Variants in XRCC4 observed in about 807,000 individuals in gnomAD.
The protein encoded by XRCC4 is X-ray repair cross complementing 4.
In XRCC4, 28 loss-of-function variants were observed where a neutral mutation model predicts 39.1. The ratio of observed to expected loss-of-function variants is 0.72; its 90% CI spans 0.53 to 0.98. The LOEUF (loss-of-function observed/expected upper bound fraction) is 0.98, where lower values mean the gene tolerates loss of function less well. Among genes scored for constraint, XRCC4 ranks in the 50% least tolerant of loss-of-function variants. The probability of loss-of-function intolerance (pLI) is 0.00; values close to 1 mark genes in which losing one functional copy is unlikely to be tolerated. For synonymous variants in XRCC4, 123 were observed against 126.4 expected, an observed-to-expected ratio of 0.97 and a Z score of 0.18; for missense variants, 350 against 376.4, an observed-to-expected ratio of 0.93 and a Z score of 0.58.
intron 3 of XRCC4, among the ~76,000 whole-genome samples, chr5:83,176,540 C>G (rs1300699895): frequency 1.3e-5 from 2 of 152,036 alleles, no homozygotes; most frequent in African/African-American, 2.4e-5. Context: ...TGTTTTGTGA[C>G]ACAATGCCTC....
intron 3 of XRCC4, among the ~76,000 whole-genome samples, chr5:83,168,488 T>A (rs1749584613): frequency 6.6e-6 from 1 of 152,180 alleles, no homozygotes; most frequent in African/African-American, 2.4e-5. Context: ...AAAATAGATT[T>A]GTACAGTGTA....
At chr5:83,117,531 C>T (rs1191707914) in intron 3 of XRCC4, among the ~76,000 whole-genome samples, 1 of 151,780 alleles carries the variant, frequency 6.6e-6, no homozygotes, top group African/African-American at 2.4e-5. Flanking sequence ...AGTCATTTAA[C>T]CCTAATTTCC....
chr5:83,367,143 C>G, the XRCC4 span, among the ~76,000 whole-genome samples: 5 of 152,184 alleles, frequency 3.3e-5, no homozygotes, highest in African/African-American at 1.2e-4. Flanking sequence ...CTGATTAAAT[C>G]AGTATCATGA....
At chr5:83,297,072 A>T (rs1029992722) in intron 7 of XRCC4, among the ~76,000 whole-genome samples, 1 of 151,944 alleles carries the variant, frequency 6.6e-6, no homozygotes, top group African/African-American at 2.4e-5. Flanking sequence ...CAGAAAGGAA[A>T]ATTACAGGGC....
intron 6 of XRCC4, among the ~76,000 whole-genome samples, chr5:83,206,469 C>T (rs1295424719): frequency 2.6e-5 from 4 of 151,804 alleles, no homozygotes; most frequent in Non-Finnish European, 5.9e-5. Context: ...GCAATACAAA[C>T]GTTATTAAGG....
chr5:83,136,264 C>G (rs1243684649), intron 3 of XRCC4, among the ~76,000 whole-genome samples: 2 of 152,140 alleles, frequency 1.3e-5, no homozygotes, highest in African/African-American at 4.8e-5. Flanking sequence ...AGCTAGATCA[C>G]CAATTCTGAC....
At chr5:83,275,296 G>GTT (rs59794451) in intron 7 of XRCC4, among the ~76,000 whole-genome samples, 37 of 141,514 alleles carry the variant, frequency 2.6e-4, no homozygotes, top group African/African-American at 5.5e-4. Context: ...GCTAGGTTAG[G>GTT]TTTTTTTTTT....
chr5:83,172,349 A>G (rs1333403700), intron 3 of XRCC4, among the ~76,000 whole-genome samples: 1 of 152,176 alleles, frequency 6.6e-6, no homozygotes, highest in Non-Finnish European at 1.5e-5. Context: ...GCTTGTCCCT[A>G]AAGACCATTT....
intron 7 of XRCC4, among the ~76,000 whole-genome samples, chr5:83,310,080 G>A (rs2112089500): frequency 6.6e-6 from 1 of 152,312 alleles, no homozygotes; most frequent in Middle Eastern, 3.4e-3. Flanking sequence ...GATAAAAGAT[G>A]TAGTCATATT....
At chr5:83,229,366 A>G (rs1752407451) in intron 6 of XRCC4, among the ~76,000 whole-genome samples, 1 of 151,872 alleles carries the variant, frequency 6.6e-6, no homozygotes, top group African/African-American at 2.4e-5. Flanking sequence ...TTTCTTTAAT[A>G]TATCGCCTTG....
intron 4 of XRCC4, chr5:83,201,567 G>A (rs1751199558): frequency 1.3e-5 from 2 of 152,226 alleles, no homozygotes; most frequent in African/African-American, 4.8e-5. Context: ...ATGTATAACA[G>A]CTGTAGGAGT....
chr5:83,116,003 G>T (rs1270194697), intron 3 of XRCC4, among the ~76,000 whole-genome samples: 1 of 152,162 alleles, frequency 6.6e-6, no homozygotes, highest in Non-Finnish European at 1.5e-5. Flanking sequence ...TTTGGCCAAG[G>T]TGTCATGGGA....
At chr5:83,169,384 G>T (rs1381025049) in intron 3 of XRCC4, among the ~76,000 whole-genome samples, 1 of 152,114 alleles carries the variant, frequency 6.6e-6, no homozygotes, top group Non-Finnish European at 1.5e-5. Flanking sequence ...TCATGGGAGT[G>T]AATTTAATTG....
intron 7 of XRCC4, among the ~76,000 whole-genome samples, chr5:83,279,661 A>C (rs1754467507): frequency 6.6e-6 from 1 of 152,216 alleles, no homozygotes; most frequent in Non-Finnish European, 1.5e-5. Context: ...TTAAATTTAC[A>C]GTTTCAATTT....
At chr5:83,238,299 A>G (rs1336543446) in intron 6 of XRCC4, among the ~76,000 whole-genome samples, 2 of 152,322 alleles carry the variant, frequency 1.3e-5, no homozygotes, top group East Asian at 3.9e-4. Flanking sequence ...TTACCTTATT[A>G]CCTACTAGTG....
In XRCC4 at chr5:83,253,496, T is replaced by TTG. The variant is rs60610512; in HGVS notation, c.746-5016_746-5015dup. Among the ~76,000 whole-genome samples the TTG allele has an allele frequency of 9.2e-4, 138 of 149,692 alleles. 1 individual carries two copies. Among genetic ancestry groups the TTG allele is most frequent in the Middle Eastern group, 6.9e-3 (2 of 290 alleles). On this transcript the variant is annotated intron_variant, in intron 6 of 7. Transcript: ENST00000396027. ...TGCTTCACTACATTGGGGTGTATGTTTGTGTGTGTGTGTGTGTGTATATGT... is the reference window on the plus strand; with the variant it reads ...TGCTTCACTACATTGGGGTGTATGTTTGTGTGTGTGTGTGTGTGTGTATATGT...
chr5:83,178,235 T>A lies in XRCC4; in HGVS notation c.316-17535T>A, dbSNP rs554379216. On this transcript the variant is annotated intron_variant, in intron 3 of 7. Coordinates refer to ENST00000396027, the MANE Select transcript of XRCC4 (RefSeq NM_003401.5). ...CGATATGGTAAATTTGAGGACCTTT[T>A]GCGACATTCAATTGGAGACAGCTAG... Among the ~76,000 whole-genome samples the A allele has an allele frequency of 2.0e-5, 3 of 152,302 alleles. No homozygotes were observed. In the South Asian group the frequency reaches 6.2e-4, roughly 32 times the overall value.
At chr5:83,227,680 A>G (rs763344008) in intron 6 of XRCC4, among the ~76,000 whole-genome samples, 42 of 152,100 alleles carry the variant, frequency 2.8e-4, no homozygotes, top group Non-Finnish European at 5.0e-4. Flanking sequence ...ATCTCACATA[A>G]CAAGTTTGAA....
chr5:83,275,869 T>G (rs996296516), intron 7 of XRCC4, among the ~76,000 whole-genome samples: 16 of 152,218 alleles, frequency 1.1e-4, no homozygotes, highest in Admixed American at 2.0e-4. Context: ...CATGCATGAT[T>G]CTTTAATGGA....
Sources: gnomAD v4.1 joint callset for allele counts (sites outside exome capture counted in the v4.1 genomes callset) on GRCh38, gnomAD v4.1.1 for gene constraint, MANE v1.5 for transcripts, NCBI Gene and HGNC (gene_info 2026-07-23, HGNC 2026-07-21) for gene names.